The following PRIMA1 variants were observed in gnomAD, a reference collection of about 807,000 sequenced individuals.
PRIMA1 encodes the protein proline-rich membrane anchor 1.
Under a neutral mutation model 17.5 loss-of-function variants are expected in PRIMA1, and 7 were observed. That is an observed-to-expected ratio of 0.40 (90% CI 0.23 to 0.75). PRIMA1 has a LOEUF of 0.75. PRIMA1 is among the 30% of genes least tolerant of loss of function. PRIMA1 has a pLI of 0.37. For missense variants in PRIMA1, 200 were observed against 201.8 expected (o/e 0.99, Z 0.05); for synonymous variants, 97 against 77.9 (o/e 1.25, Z -1.29).
chr14:93,732,061 G>GT (rs2076118305), intron 4 of PRIMA1, among the ~76,000 whole-genome samples: 1 of 152,206 alleles, frequency 6.6e-6, no homozygotes, highest in Non-Finnish European at 1.5e-5. Context: ...CTGAGACCAC[G>GT]TATTGGTCTT....
In PRIMA1 at chr14:93,735,716, G is replaced by T. The variant is rs150113504; in HGVS notation, c.359+1525C>A. Among the ~76,000 whole-genome samples, 1,192 of 146,144 alleles carry T rather than the reference G, an allele frequency of 8.2e-3. 12 individuals are homozygous for T. The highest frequency in any genetic ancestry group is 0.028 in the African/African-American group (1,116 of 39,674). On this transcript the variant is annotated intron_variant, in intron 4 of 4. Coordinates refer to ENST00000393140, the MANE Select transcript of PRIMA1 (RefSeq NM_178013.4). ...CCTTTTTTTTTTTTTTTTTGAGATG[G>T]AGTCTCGCTCTGTCGCCCAGTCTGG...
chr14:93,787,994 C>G (rs1296550453), intron 1 of PRIMA1, among the ~76,000 whole-genome samples: 2 of 152,192 alleles, frequency 1.3e-5, no homozygotes, highest in Non-Finnish European at 2.9e-5. Context: ...GCGCACAGCT[C>G]CAGAATACTG....
intron 3 of PRIMA1, among the ~76,000 whole-genome samples, chr14:93,740,048 G>C (rs2076175246): frequency 7.0e-6 from 1 of 143,038 alleles, no homozygotes; most frequent in Non-Finnish European, 1.5e-5. Context: ...CTGGGTGACA[G>C]AGCAAGACTC....
intron 4 of PRIMA1, among the ~76,000 whole-genome samples, chr14:93,728,799 G>C (rs1464532429): frequency 6.6e-6 from 1 of 152,150 alleles, no homozygotes; most frequent in Non-Finnish European, 1.5e-5. Flanking sequence ...ACGGTGCACG[G>C]AGGCCTGGGC....
intron 3 of PRIMA1, among the ~76,000 whole-genome samples, chr14:93,771,065 T>TGTGCATGTATGTGTGTACATGTGCGTGC (rs1254552800): frequency 2.6e-5 from 4 of 151,252 alleles, no homozygotes; most frequent in African/African-American, 9.8e-5. Context: ...TGTATGTGTG[T>TGTGCATGTATGTGTGTACATGTGCGTGC]GTGTGCATGT....
chr14:93,767,479 G>A (rs1160666950), intron 3 of PRIMA1, among the ~76,000 whole-genome samples: 1 of 152,110 alleles, frequency 6.6e-6, no homozygotes, highest in East Asian at 1.9e-4. Flanking sequence ...CCAGGGAGTG[G>A]GGCCTTGGTC....
At position 93,721,485 on chromosome 14, in the gene PRIMA1, G is replaced by T; in HGVS notation, c.421C>A (p.Gln141Lys). ...SVAEYPMSASQSNKGVDVNNA... is the reference protein window; with the variant it reads ...SVAEYPMSASKSNKGVDVNNA... ...TTCACGTCTACTCCTTTGTTGCTCT[G>T]CGAAGCACTCATGGGATACTCAGCA... Residue 141 changes from glutamine (Q) to lysine (K), a missense_variant, in exon 5 of 5, where the codon CAG becomes AAG. By Grantham distance (53) the Gln-to-Lys change is moderately conservative. Transcript: ENST00000393140. 1 of 1,613,910 alleles carries T rather than the reference G, an allele frequency of 6.2e-7. No homozygotes were observed. Among genetic ancestry groups the T allele is most frequent in the Non-Finnish European group, 8.5e-7 (1 of 1,179,860 alleles).
Position 93,779,235 on chromosome 14 carries a change from G to C in PRIMA1, c.170C>G (p.Pro57Arg). 6.7e-7 allele frequency: 1 copy of C among 1,497,058 alleles called. No individual in the cohort carries two copies. The highest frequency in any genetic ancestry group is 8.9e-7 in the Non-Finnish European group (1 of 1,126,724). 92.7% of individuals were successfully genotyped at this position (1,497,058 alleles called of 1,614,324 possible). ...TGGGGGCGGCGGGGGCAGCGGGGGAGGGGGCCGGCACTGGCAGACGTGTCG... is the reference window on the plus strand; with the variant it reads ...TGGGGGCGGCGGGGGCAGCGGGGGACGGGGCCGGCACTGGCAGACGTGTCG... Reference protein sequence around the residue: ...SCRHVCQCRPPPPLPPPPPPP... With the variant: ...SCRHVCQCRPRPPLPPPPPPP... The change falls in exon 3 of 5, where the codon CCT becomes CGT. Residue 57 changes from proline (P) to arginine (R), a missense_variant. By Grantham distance (103) the Pro-to-Arg change is moderately radical (BLOSUM62 -2). Transcript: ENST00000393140.
Position 93,721,460 on chromosome 14 carries a change from T to C in PRIMA1, c.446A>G (p.Asn149Ser). Residue 149 changes from asparagine to serine, a missense_variant, in exon 5 of 5, where the codon AAC becomes AGC. Physicochemically the swap from Asn to Ser is conservative, Grantham distance 46. Transcript: ENST00000393140. ...ASQSNKGVDV[N>S]NAVV ...CCTGCAGACTCACACCACTGCGTTG[T>C]TCACGTCTACTCCTTTGTTGCTCTG... 1 of 1,612,892 alleles carries C rather than the reference T, an allele frequency of 6.2e-7. No individual in the cohort carries two copies. Among genetic ancestry groups the C allele is most frequent in the South Asian group, 1.1e-5 (1 of 91,050 alleles).
rs200782279 is a variant in PRIMA1 at position 93,721,455 on chromosome 14, C to T, written c.451G>A (p.Ala151Thr). The change falls in exon 5 of 5, where the codon GCA becomes ACA. Residue 151 changes from alanine (A) to threonine (T), a missense_variant. Physicochemically the swap from Ala to Thr is moderately conservative, Grantham distance 58 (BLOSUM62 0). Transcript: ENST00000393140. ...QSNKGVDVNN[A>T]VV ...CAGGGCCTGCAGACTCACACCACTG[C>T]GTTGTTCACGTCTACTCCTTTGTTG... The T allele has an allele frequency of 2.7e-5, 43 of 1,611,266 alleles. No homozygotes were observed. The South Asian group carries it at 3.0e-4, about 11-fold the overall frequency.
intron 2 of PRIMA1, among the ~76,000 whole-genome samples, chr14:93,786,067 A>G (rs925346099): frequency 6.6e-6 from 1 of 152,230 alleles, no homozygotes; most frequent in Non-Finnish European, 1.5e-5. Flanking sequence ...CTAGTCCTGG[A>G]GACTGACAAC....
intron 3 of PRIMA1, among the ~76,000 whole-genome samples, chr14:93,764,434 C>G (rs536155910): frequency 1.3e-5 from 2 of 151,900 alleles, no homozygotes; most frequent in Admixed American, 1.3e-4. Context: ...TCTGCCCCCC[C>G]GCCCCCAAAG....
rs538976041 is a variant in PRIMA1, at chr14:93,749,507, G to A, written c.230-12137C>T. ...AATGCAGACTGATTCCCAGCTCACC[G>A]AGACACTTAACTACATGTGACTTTG... On this transcript the variant is annotated intron_variant, in intron 3 of 4. Transcript: ENST00000393140. Among the ~76,000 whole-genome samples, 6 of 152,232 alleles carry A rather than the reference G, an allele frequency of 3.9e-5. No individual in the cohort carries two copies. In the East Asian group the frequency reaches 9.6e-4, roughly 24 times the overall value.
chr14:93,767,085 C>T (rs1884912369), intron 3 of PRIMA1, among the ~76,000 whole-genome samples: 1 of 152,180 alleles, frequency 6.6e-6, no homozygotes, highest in Non-Finnish European at 1.5e-5. Flanking sequence ...CAATAATTGA[C>T]AAGATCCTCT....
intron 3 of PRIMA1, among the ~76,000 whole-genome samples, chr14:93,744,614 C>T (rs2076205045): frequency 6.6e-6 from 1 of 152,220 alleles, no homozygotes; most frequent in Admixed American, 6.5e-5. Flanking sequence ...GAGAAATCTC[C>T]TTTGGGATGT....
At chr14:93,739,873 C>T (rs1653809211) in intron 3 of PRIMA1, among the ~76,000 whole-genome samples, 1 of 152,136 alleles carries the variant, frequency 6.6e-6, no homozygotes, top group Non-Finnish European at 1.5e-5. Flanking sequence ...TGAGACCAGC[C>T]TGACCAACAT....
At chr14:93,779,511 C>T (rs1885321480) in intron 2 of PRIMA1, among the ~76,000 whole-genome samples, 200 bp from the exon 3 acceptor site, 1 of 152,098 alleles carries the variant, frequency 6.6e-6, no homozygotes, top group East Asian at 1.9e-4. Context: ...TGGTTGGAGA[C>T]CAAGGTTTTC....
chr14:93,730,241 C>T (rs148526780), intron 4 of PRIMA1, among the ~76,000 whole-genome samples: 131 of 152,330 alleles, frequency 8.6e-4, no homozygotes, highest in African/African-American at 2.7e-3. Context: ...CACACAACCA[C>T]GCATTCGCAA....
intron 4 of PRIMA1, among the ~76,000 whole-genome samples, chr14:93,723,225 CA>C (rs1225854000): frequency 6.6e-6 from 1 of 152,152 alleles, no homozygotes; most frequent in African/African-American, 2.4e-5. Flanking sequence ...CCAGGGTTCC[CA>C]GGGGTGCCAG....
Sources: allele counts gnomAD v4.1 joint callset (sites outside exome capture counted in the v4.1 genomes callset), GRCh38; gene constraint gnomAD v4.1.1; transcripts MANE v1.5; gene names NCBI Gene and HGNC (gene_info 2026-07-23, HGNC 2026-07-21).